LAMP5: variants seen among roughly 807,000 people sequenced by gnomAD.
LAMP5 encodes the protein lysosome associated membrane protein 5, also known as lysosome-associated membrane glycoprotein 5.
In LAMP5, 36 loss-of-function variants were observed where a neutral mutation model predicts 30.2. The observed-to-expected ratio is 1.19, with a 90% CI of 0.91 to 1.57. The LOEUF is 1.57. Among genes scored for constraint, LAMP5 ranks in the 40% most tolerant of loss-of-function variants. LAMP5 has a pLI of 0.00. For synonymous variants in LAMP5, 149 were observed against 134.6 expected (o/e 1.11, Z -0.74); for missense variants, 377 against 354.9 (o/e 1.06, Z -0.50).
chr20:9,518,703 T>TG (rs1284778123), intron 5 of LAMP5, among the ~76,000 whole-genome samples: 1 of 152,248 alleles, frequency 6.6e-6, no homozygotes, highest in Non-Finnish European at 1.5e-5. Flanking sequence ...GAGCTACAGA[T>TG]GGGGGAAAGG....
At chr20:9,528,034 A>G (rs2045125592) in intron 5 of LAMP5, among the ~76,000 whole-genome samples, 1 of 152,230 alleles carries the variant, frequency 6.6e-6, no homozygotes, top group East Asian at 1.9e-4. Flanking sequence ...TCACAATAGC[A>G]AAGTTACAGA....
intron 5 of LAMP5, among the ~76,000 whole-genome samples, chr20:9,527,668 T>A (rs2045123266): frequency 6.6e-6 from 1 of 152,216 alleles, no homozygotes; most frequent in East Asian, 1.9e-4. Context: ...CTGATTTTGG[T>A]TAAAAGGCCA....
In LAMP5 at chr20:9,529,897, TG is replaced by T; in HGVS notation, c.*78del. On this transcript the variant is annotated 3_prime_UTR_variant, in exon 6 of 6. Transcript: ENST00000246070. ...GAACAACAAAAGCACTTTTCCATCT[TG>T]TACACGAGATACACCAACATAGCTA... 7.1e-7 allele frequency: 1 copy of T among 1,408,236 alleles called. No homozygotes were observed. Among genetic ancestry groups the T allele is most frequent in the South Asian group, 1.3e-5 (1 of 79,108 alleles). 87.2% of individuals were successfully genotyped at this position (1,408,236 alleles called of 1,614,324 possible). A position where few individuals can be genotyped will look rare whatever the true frequency, so the allele number is the denominator to read the frequency against.
intron 5 of LAMP5, among the ~76,000 whole-genome samples, chr20:9,520,692 G>T (rs73899120): frequency 0.046 from 6,980 of 152,004 alleles, 548 homozygotes; most frequent in African/African-American, 0.16. Flanking sequence ...GTGTAAGGGG[G>T]TCATACCTGG....
intron 4 of LAMP5, among the ~76,000 whole-genome samples, chr20:9,517,265 A>C (rs1273180903): frequency 6.6e-6 from 1 of 152,208 alleles, no homozygotes; most frequent in Non-Finnish European, 1.5e-5. Flanking sequence ...GAAAAAGAGC[A>C]ATGGGAGGCA....
At position 9,529,734 on chromosome 20, in the gene LAMP5, C is replaced by G; in HGVS notation, c.757C>G (p.Leu253Val). The G allele has an allele frequency of 6.2e-7, 1 of 1,614,214 alleles. No homozygotes were observed. Among genetic ancestry groups the G allele is most frequent in the Non-Finnish European group, 8.5e-7 (1 of 1,180,044 alleles). Residue 253 changes from leucine to valine, a missense_variant, in exon 6 of 6, where the codon CTC (leucine) becomes GTC (valine). Coordinates refer to ENST00000246070, the MANE Select transcript of LAMP5 (RefSeq NM_012261.4). ...CTTGGGCCTCGTCATCATGGTAACA[C>G]TCGCGATTTACCACGTCCACCACAA... ...LILGLVIMVTLAIYHVHHKMT... is the reference protein window; with the variant it reads ...LILGLVIMVTVAIYHVHHKMT...
rs774126242 is a variant in LAMP5, at chr20:9,516,033, C to G, written c.271C>G (p.Arg91Gly). Residue 91 changes from arginine (R) to glycine (G), a missense_variant, in exon 3 of 6, where the codon CGG (arginine) becomes GGG (glycine). Physicochemically the swap from Arg to Gly is moderately radical, Grantham distance 125. Coordinates refer to ENST00000246070, the MANE Select transcript of LAMP5 (RefSeq NM_012261.4). ...ITEQADIALT[R>G]GAEVKGRCGH... The stretch of plus-strand genomic sequence containing the variant: ...AGAACAGGCCGATATCGCATTGACC[C>G]GGGGAGCTGAGGTGAAGGGCCGCTG... 4.6e-6 allele frequency: 7 copies of G among 1,533,806 alleles called. No individual in the cohort carries two copies. Among genetic ancestry groups the G allele is most frequent in the Non-Finnish European group, 5.2e-6 (6 of 1,147,002 alleles).
chr20:9,514,671 G>A lies in LAMP5; in HGVS notation c.-182G>A. The A allele has an allele frequency of 1.7e-6, 1 of 585,816 alleles. No individual in the cohort carries two copies. Among genetic ancestry groups the A allele is most frequent in the South Asian group, 2.0e-5 (1 of 50,186 alleles). The allele number at this position is 585,816 out of a possible 1,614,324, so 36.3% of individuals were successfully genotyped here. A position where few individuals can be genotyped will look rare whatever the true frequency, so the allele number is the denominator to read the frequency against. ...GAGCCGATTTGCTCTGCCAGCAGCT[G>A]TCGGTGCCGCGCTCGACACCGAGTC... On this transcript the variant is annotated 5_prime_UTR_variant, in exon 1 of 6. Coordinates refer to ENST00000246070, the MANE Select transcript of LAMP5 (RefSeq NM_012261.4).
Position 9,514,839 on chromosome 20 carries a change from G to T in LAMP5, c.-14G>T, listed in dbSNP as rs367916180. ...TGCAGCAGCACAGCCGGCCTCATTC[G>T]GGGCACTGCGAGTATGGATCTCCAA... is the stretch of plus-strand genomic sequence containing the variant. On this transcript the variant is annotated 5_prime_UTR_variant, in exon 1 of 6. Coordinates refer to ENST00000246070, the MANE Select transcript of LAMP5 (RefSeq NM_012261.4). 2.7e-5 allele frequency: 44 copies of T among 1,613,738 alleles called. No homozygotes were observed. In the Middle Eastern group the frequency reaches 6.6e-4, roughly 24 times the overall value.
intron 5 of LAMP5, among the ~76,000 whole-genome samples, chr20:9,519,382 C>G (rs936463053): frequency 6.6e-6 from 1 of 152,182 alleles, no homozygotes; most frequent in African/African-American, 2.4e-5. Context: ...GCAGCTTCCA[C>G]TCAACCTATT....
chr20:9,525,441 T>C (rs1354284343), intron 5 of LAMP5, among the ~76,000 whole-genome samples: 1 of 152,146 alleles, frequency 6.6e-6, no homozygotes, highest in Non-Finnish European at 1.5e-5. Flanking sequence ...TACAGGAAAC[T>C]GAAGCTTAGT....
intron 5 of LAMP5, among the ~76,000 whole-genome samples, chr20:9,524,400 A>G (rs1180740537): frequency 1.3e-5 from 2 of 152,090 alleles, no homozygotes; most frequent in African/African-American, 4.8e-5. Context: ...TAAAGCAAGG[A>G]TAACTATTGT....
At position 9,514,748 on chromosome 20, in the gene LAMP5, C is replaced by T; in HGVS notation, c.-105C>T. 1.0e-6 allele frequency: 1 copy of T among 1,002,260 alleles called. No homozygotes were observed. The highest frequency in any genetic ancestry group is 1.5e-6 in the Non-Finnish European group (1 of 648,676). 62.1% of individuals were successfully genotyped at this position (1,002,260 alleles called of 1,614,324 possible). A position where few individuals can be genotyped will look rare whatever the true frequency, so the allele number is the denominator to read the frequency against. On this transcript the variant is annotated 5_prime_UTR_variant, in exon 1 of 6. Transcript: ENST00000246070. ...CTCCCTCCCTCCCCCTTCTCTGTCC[C>T]CCGCCTCTCGCTCACCCCGGCCCAC...
Position 9,525,292 on chromosome 20 carries a change from G to A in LAMP5, c.665-4350G>A, listed in dbSNP as rs924798727. ...CCATATTTAAAAGAAGTACACAGAA[G>A]ACTTAAATGTATAAGACTTCTATCT... On this transcript the variant is annotated intron_variant, in intron 5 of 5. Transcript: ENST00000246070. 2.8e-4 allele frequency among the ~76,000 whole-genome samples: 43 copies of A among 152,140 alleles called. 1 individual carries two copies. The highest frequency in any genetic ancestry group is 3.2e-3 in the Middle Eastern group (1 of 316).
chr20:9,519,273 C>A (rs1264017960), intron 5 of LAMP5, among the ~76,000 whole-genome samples: 1 of 152,060 alleles, frequency 6.6e-6, no homozygotes, highest in Non-Finnish European at 1.5e-5. Flanking sequence ...GGGTTGGAGA[C>A]CCCCAGGTGA....
intron 4 of LAMP5, among the ~76,000 whole-genome samples, chr20:9,516,861 C>T (rs1451372238): frequency 6.6e-6 from 1 of 152,142 alleles, no homozygotes; most frequent in Admixed American, 6.5e-5. Flanking sequence ...ACTGCAGCTA[C>T]CTGACAGTGG....
intron 5 of LAMP5, among the ~76,000 whole-genome samples, chr20:9,526,611 T>C (rs947388706): frequency 2.9e-4 from 44 of 152,174 alleles, no homozygotes; most frequent in African/African-American, 1.1e-3. Context: ...GATGTATTGA[T>C]CCAGGCTGAC....
At chr20:9,526,249 A>T in intron 5 of LAMP5, among the ~76,000 whole-genome samples, 1 of 152,162 alleles carries the variant, frequency 6.6e-6, no homozygotes, top group East Asian at 1.9e-4. Flanking sequence ...AAATCAATGT[A>T]TTTCTTCTTA....
At chr20:9,522,343 G>A (rs968139384) in intron 5 of LAMP5, among the ~76,000 whole-genome samples, 2 of 152,192 alleles carry the variant, frequency 1.3e-5, no homozygotes, top group Non-Finnish European at 2.9e-5. Context: ...CCCCAGTAGA[G>A]CGTCCTGTGG....
Sources: gnomAD v4.1 joint callset for allele counts (sites outside exome capture counted in the v4.1 genomes callset) on GRCh38, gnomAD v4.1.1 for gene constraint, MANE v1.5 for transcripts, NCBI Gene and HGNC (gene_info 2026-07-23, HGNC 2026-07-21) for gene names.